The following LIMK1 variants were observed in gnomAD, a reference collection of about 807,000 sequenced individuals.
The protein encoded by LIMK1 is LIM domain kinase 1.
In LIMK1, 21 loss-of-function variants were observed where a neutral mutation model predicts 77.6. The ratio of observed to expected loss-of-function variants is 0.27; its 90% confidence interval spans 0.19 to 0.39. The LOEUF (loss-of-function observed/expected upper bound fraction) is 0.39, where lower values mean the gene tolerates loss of function less well. Among genes scored for constraint, LIMK1 ranks in the 10% least tolerant of loss-of-function variants. The pLI is 1.00. For synonymous variants in LIMK1, 358 were observed against 370.0 expected (o/e 0.97, Z 0.37); for missense variants, 696 against 901.6 (o/e 0.77, Z 2.92).
chr7:74,116,967 C>T (rs1406257704), intron 13 of LIMK1, among the ~76,000 whole-genome samples: 1 of 152,122 alleles, frequency 6.6e-6, no homozygotes, highest in African/African-American at 2.4e-5. Flanking sequence ...CTGCAAGCTC[C>T]GCCTCCTGGG....
intron 12 of LIMK1, among the ~76,000 whole-genome samples, chr7:74,113,361 C>T (rs1799741694): frequency 1.3e-5 from 2 of 152,010 alleles, no homozygotes; most frequent in South Asian, 4.1e-4. Flanking sequence ...CACTGTGGCT[C>T]ACGCCTGTAA....
At chr7:74,112,714 A>G (rs1367269787) in intron 12 of LIMK1, among the ~76,000 whole-genome samples, 1 of 152,058 alleles carries the variant, frequency 6.6e-6, no homozygotes, top group Non-Finnish European at 1.5e-5. Context: ...AGTCCCAACT[A>G]CTTGGGAGGC....
Position 74,105,849 on chromosome 7 carries a change from TGGCCTGACCC to T in LIMK1, c.609-25_609-16del. 4 of 1,579,222 alleles carry T rather than the reference TGGCCTGACCC, an allele frequency of 2.5e-6. No homozygotes were observed. The highest frequency in any genetic ancestry group is 3.5e-6 in the Non-Finnish European group (4 of 1,149,860). On this transcript the variant is annotated splice_polypyrimidine_tract_variant and intron_variant, in intron 5 of 15. Transcript: ENST00000336180. The stretch of plus-strand genomic sequence containing the variant: ...GGGGCTCTGAGGGACAGGTGGGCAC[TGGCCTGACCC>T]CTGCCTTACCCACAGAGTGGATCCG...
In LIMK1 at chr7:74,115,939, G is replaced by A; in HGVS notation, c.1548G>A (p.Met516Ile). Reference sequence around the variant, plus strand: ...CCGTGGTGGGCAACCCCTACTGGATGGCACCTGAGATGATCAACGGTGAGT... The same window carrying A: ...CCGTGGTGGGCAACCCCTACTGGATAGCACCTGAGATGATCAACGGTGAGT... ...RYTVVGNPYW[M>I]APEMINGRSY... The change falls in exon 13 of 16, where the codon ATG becomes ATA. Residue 516 changes from methionine (M) to isoleucine (I), a missense_variant. Met to Ile is a conservative substitution (Grantham distance 10). Coordinates refer to ENST00000336180, the MANE Select transcript of LIMK1 (RefSeq NM_002314.4). The A allele has an allele frequency of 6.2e-7, 1 of 1,614,150 alleles. No homozygotes were observed. The highest frequency in any genetic ancestry group is 8.5e-7 in the Non-Finnish European group (1 of 1,179,990).
chr7:74,115,788 C>G lies in LIMK1; in HGVS notation c.1411-14C>G. ...AGGATCGGGTCCCAGCATGACCCGGCTTCACCTTCCCAGAACAAGAATGTG... is the reference window on the plus strand; with the variant it reads ...AGGATCGGGTCCCAGCATGACCCGGGTTCACCTTCCCAGAACAAGAATGTG... On this transcript the variant is annotated splice_polypyrimidine_tract_variant and intron_variant, in intron 12 of 15. Transcript: ENST00000336180. 1 of 1,612,856 alleles carries G rather than the reference C, an allele frequency of 6.2e-7. No homozygotes were observed. Among genetic ancestry groups the G allele is most frequent in the Non-Finnish European group, 8.5e-7 (1 of 1,179,282 alleles).
At position 74,122,440 on chromosome 7, in the gene LIMK1, C is replaced by G. The variant is rs530996453; in HGVS notation, c.*1139C>G. On this transcript the variant is annotated 3_prime_UTR_variant, in exon 16 of 16. Transcript: ENST00000336180. ...GGACCATGACTTAGGGAGGTGGGAC[C>G]CACCCACCCCCATCCAGGAACCGTG... The G allele has an allele frequency of 1.3e-5, 2 of 152,408 alleles. No individual in the cohort carries two copies. Among genetic ancestry groups the G allele is most frequent in the African/African-American group, 4.8e-5 (2 of 41,366 alleles). 9.4% of individuals were successfully genotyped at this position (152,408 alleles called of 1,614,324 possible).
intron 1 of LIMK1, among the ~76,000 whole-genome samples, chr7:74,084,353 ACCACCCGGGCCTCGCCCTGGGG>A (rs1554693779): frequency 6.6e-6 from 1 of 151,770 alleles, no homozygotes; most frequent in Non-Finnish European, 1.5e-5. Flanking sequence ...TGCTCTGTCC[ACCACCCGGGCCTCGCCCTGGGG>A]CCACCCTTTA....
chr7:74,118,425 C>CAG (rs1195530544), intron 13 of LIMK1, among the ~76,000 whole-genome samples: 3 of 134,444 alleles, frequency 2.2e-5, no homozygotes, highest in Non-Finnish European at 4.8e-5. Flanking sequence ...CACACACACA[C>CAG]AGAGTTAACA....
chr7:74,092,540 T>C (rs1174340780), intron 2 of LIMK1, among the ~76,000 whole-genome samples: 1 of 151,986 alleles, frequency 6.6e-6, no homozygotes. Flanking sequence ...TCCCAGCCCC[T>C]TGCAGGCCCT....
Position 74,122,232 on chromosome 7 carries a change from T to C in LIMK1, c.*931T>C, listed in dbSNP as rs1217548186. 1.3e-5 allele frequency: 2 copies of C among 151,982 alleles called. No individual in the cohort carries two copies. Among genetic ancestry groups the C allele is most frequent in the East Asian group, 3.9e-4 (2 of 5,164 alleles). 9.4% of individuals were successfully genotyped at this position (151,982 alleles called of 1,614,324 possible). On this transcript the variant is annotated 3_prime_UTR_variant, in exon 16 of 16. Transcript: ENST00000336180. ...TGTAATCTATTTTTTAAGAAGAGTT[T>C]GTATTATTTTTTCATACGGCTGCAG...
Position 74,096,723 on chromosome 7 carries a change from A to T in LIMK1, c.254A>T (p.His85Leu), listed in dbSNP as rs782323264. The T allele has an allele frequency of 6.2e-7, 1 of 1,613,036 alleles. No homozygotes were observed. Among genetic ancestry groups the T allele is most frequent in the Admixed American group, 1.7e-5 (1 of 59,882 alleles). Residue 85 changes from histidine to leucine, a missense_variant, in exon 3 of 16, where the codon CAT becomes CTT. Transcript: ENST00000336180. ...DYWARYGESC[H>L]GCSEQITKGL... ...TGGGCCCGCTATGGCGAGTCCTGCC[A>T]TGGGTGCTCTGAGCAAATCACCAAG...
At chr7:74,116,498 G>A (rs1417046017) in intron 13 of LIMK1, among the ~76,000 whole-genome samples, 2 of 152,028 alleles carry the variant, frequency 1.3e-5, no homozygotes, top group South Asian at 2.1e-4. Flanking sequence ...CAGCCTCACC[G>A]GGCTGAAATC....
rs183211754 is a variant in LIMK1 at position 74,094,725 on chromosome 7, C to T, written c.153-1897C>T. 1.7e-4 allele frequency among the ~76,000 whole-genome samples: 26 copies of T among 152,220 alleles called. No homozygotes were observed. The East Asian group carries it at 3.9e-3, about 23-fold the overall frequency. On this transcript the variant is annotated intron_variant, in intron 2 of 15. Transcript: ENST00000336180. The stretch of plus-strand genomic sequence containing the variant: ...GTAGACCACCCCCCTCACCAACTTC[C>T]GTCCTCCGCCCCACCCCCGCGGTGA...
rs782443942 is a variant in LIMK1 at position 74,099,254 on chromosome 7, G to C, written c.608+16G>C. The C allele has an allele frequency of 1.3e-6, 2 of 1,599,744 alleles. No homozygotes were observed. The highest frequency in any genetic ancestry group is 2.2e-5 in the South Asian group (2 of 90,966). On this transcript the variant is annotated intron_variant, in intron 5 of 15. Coordinates refer to ENST00000336180, the MANE Select transcript of LIMK1 (RefSeq NM_002314.4). ...GCGTCCAGGGGTGAGTGGCCGGCCT[G>C]CCGAGGCTGCCGTCGGTGTGGCTAT...
rs1316248842 is a variant in LIMK1 at position 74,121,969 on chromosome 7, T to G, written c.*668T>G. On this transcript the variant is annotated 3_prime_UTR_variant, in exon 16 of 16. Transcript: ENST00000336180. ...TGTTTCTTTCTTAAAGCCACTTTAG[T>G]GAGAAGCAGGTACCAAGCCTCAGGG... 6.5e-6 allele frequency: 1 copy of G among 152,672 alleles called. No individual in the cohort carries two copies. Among genetic ancestry groups the G allele is most frequent in the Non-Finnish European group, 1.5e-5 (1 of 68,074 alleles). The allele number at this position is 152,672 out of a possible 1,614,324, so 9.5% of individuals were successfully genotyped here.
intron 2 of LIMK1, chr7:74,093,056 A>G (rs1027419880): frequency 1.1e-5 from 14 of 1,267,984 alleles, no homozygotes; most frequent in Non-Finnish European, 6.2e-6. Context: ...TGCTTCAGCC[A>G]CTTCCTGTTG....
chr7:74,093,555 C>A (rs561224985), intron 2 of LIMK1, among the ~76,000 whole-genome samples: 16 of 152,174 alleles, frequency 1.1e-4, no homozygotes. Flanking sequence ...CTGGGTAGAA[C>A]GATGATTCTC....
intron 9 of LIMK1, 51 bp from the exon 10 acceptor site, chr7:74,108,854 C>T (rs1554698099): frequency 1.3e-6 from 2 of 1,592,082 alleles, no homozygotes; most frequent in Admixed American, 3.4e-5. Context: ...CAGACCCAAG[C>T]ACAGCTGGGA....
Position 74,097,138 on chromosome 7 carries a change from T to G in LIMK1, c.350T>G (p.Phe117Cys). The change falls in exon 4 of 16, where the codon TTT (phenylalanine) becomes TGT (cysteine). Residue 117 changes from phenylalanine to cysteine, a missense_variant. By Grantham distance (205) the Phe-to-Cys change is radical (BLOSUM62 -2). This residue lies in a region of LIMK1 where 252 missense variants were observed against 279.4 expected (regional missense o/e 0.90). Transcript: ENST00000336180. ...ECFICLTCGT[F>C]IGDGDTYTLV... The stretch of plus-strand genomic sequence containing the variant: ...TTCATCTGCCTCACGTGTGGGACCT[T>G]TATCGGTGACGGGGACACCTACACG... The G allele has an allele frequency of 6.2e-7, 1 of 1,613,560 alleles. No individual in the cohort carries two copies. Among genetic ancestry groups the G allele is most frequent in the Non-Finnish European group, 8.5e-7 (1 of 1,179,936 alleles).
Sources: allele counts gnomAD v4.1 joint callset (sites outside exome capture counted in the v4.1 genomes callset), GRCh38; gene constraint gnomAD v4.1.1; regional missense constraint gnomAD v4.1.1; transcripts MANE v1.5; gene names NCBI Gene and HGNC (gene_info 2026-07-23, HGNC 2026-07-21).